Variants in GSR observed in about 807,000 individuals in gnomAD.
The protein encoded by GSR is glutathione-disulfide reductase.
Under a neutral mutation model 56.5 loss-of-function variants are expected in GSR, and 48 were observed. That is an observed-to-expected ratio of 0.85 (90% CI 0.67 to 1.08). GSR has a LOEUF of 1.08. Among genes scored for constraint, GSR ranks in the 50% least tolerant of loss-of-function variants. GSR has a pLI of 0.00. For missense variants in GSR, 694 were observed against 703.3 expected, an observed-to-expected ratio of 0.99 and a Z score of 0.15; for synonymous variants, 264 against 270.8, an observed-to-expected ratio of 0.97 and a Z score of 0.25.
intron 1 of GSR, among the ~76,000 whole-genome samples, chr8:30,716,918 A>T (rs1804352258): frequency 2.7e-5 from 4 of 146,754 alleles, no homozygotes; most frequent in East Asian, 2.0e-4. Context: ...TTCCCCCCAA[A>T]TTTTTTTTTT....
At chr8:30,698,249 G>A (rs577223592) in intron 6 of GSR, among the ~76,000 whole-genome samples, 21 of 152,122 alleles carry the variant, frequency 1.4e-4, no homozygotes, top group Non-Finnish European at 2.4e-4. Context: ...TCATTTTCTT[G>A]TGTTTCAGAG....
intron 1 of GSR, among the ~76,000 whole-genome samples, chr8:30,722,725 C>T (rs1338884546): frequency 2.3e-4 from 12 of 52,486 alleles, no homozygotes; most frequent in African/African-American, 6.3e-4. Flanking sequence ...CAATGAGACC[C>T]TGTCTCAAAA....
intron 4 of GSR, 120 bp from the exon 5 acceptor site, chr8:30,703,360 C>T: frequency 1.0e-6 from 1 of 966,334 alleles, no homozygotes; most frequent in Non-Finnish European, 1.6e-6. Context: ...CTGATGCCAA[C>T]ACAATTCTCC....
chr8:30,718,080 A>C (rs1420929168), intron 1 of GSR, among the ~76,000 whole-genome samples: 1 of 151,278 alleles, frequency 6.6e-6, no homozygotes, highest in African/African-American at 2.4e-5. Context: ...CAGCCTGGGC[A>C]ACAAGAGTGA....
intron 12 of GSR, among the ~76,000 whole-genome samples, chr8:30,680,162 G>A: frequency 6.6e-6 from 1 of 152,122 alleles, no homozygotes; most frequent in East Asian, 1.9e-4. Context: ...TAACTAAGTA[G>A]GAGCCTTCAT....
intron 4 of GSR, among the ~76,000 whole-genome samples, chr8:30,705,225 A>G (rs988732972): frequency 6.6e-5 from 10 of 151,842 alleles, no homozygotes; most frequent in South Asian, 4.2e-4. Context: ...CAGGAGTTCA[A>G]GATCAGCGTG....
chr8:30,682,092 C>T, intron 10 of GSR, 31 bp from the exon 11 acceptor site: 1 of 1,600,372 alleles, frequency 6.2e-7, no homozygotes, highest in Non-Finnish European at 8.6e-7. Context: ...CAGTGTTTAT[C>T]TTACTGTCTG....
At position 30,700,132 on chromosome 8, in the gene GSR, G is replaced by T. The variant is rs1352779009; in HGVS notation, c.644C>A (p.Ala215Asp). 47 of 1,611,452 alleles carry T rather than the reference G, an allele frequency of 2.9e-5. No individual in the cohort carries two copies. The highest frequency in any genetic ancestry group is 3.6e-5 in the Non-Finnish European group (42 of 1,177,806). ...TCCATCGCTGGTTATTCCTAAGCTGGCACCTATGTAGAAAAAGGCAACATA... is the reference window on the plus strand; with the variant it reads ...TCCATCGCTGGTTATTCCTAAGCTGTCACCTATGTAGAAAAAGGCAACATA... ...STPHESQIPG[A>D]SLGITSDGFF... Residue 215 changes from alanine to aspartate, a missense_variant, in exon 6 of 13, where the codon GCC (alanine) becomes GAC (aspartate). Coordinates refer to ENST00000221130, the MANE Select transcript of GSR (RefSeq NM_000637.5).
In GSR at chr8:30,689,145, G is replaced by C. The variant is rs1803272063; in HGVS notation, c.1041+16C>G. ...AGTAGATTCACAAATGTTTCGGGCA[G>C]ACCAAGCCAGCTTACCAGTTTGTTT... On this transcript the variant is annotated intron_variant, in intron 9 of 12. Coordinates refer to ENST00000221130, the MANE Select transcript of GSR (RefSeq NM_000637.5). 6.2e-7 allele frequency: 1 copy of C among 1,613,326 alleles called. No individual in the cohort carries two copies. Among genetic ancestry groups the C allele is most frequent in the Non-Finnish European group, 8.5e-7 (1 of 1,179,368 alleles).
intron 4 of GSR, among the ~76,000 whole-genome samples, chr8:30,705,274 T>A (rs1158774186): frequency 2.6e-5 from 4 of 152,106 alleles, no homozygotes; most frequent in Admixed American, 2.0e-4. Context: ...AAAAAATTTT[T>A]TTTTTTGAGA....
chr8:30,717,702 C>T (rs2128748243), intron 1 of GSR, among the ~76,000 whole-genome samples: 1 of 152,202 alleles, frequency 6.6e-6, no homozygotes, highest in Admixed American at 6.5e-5. Context: ...CAACTAGTTG[C>T]AGGAAAACAA....
chr8:30,724,594 A>T (rs923949043), intron 1 of GSR, among the ~76,000 whole-genome samples: 16 of 110,276 alleles, frequency 1.5e-4, no homozygotes, highest in Admixed American at 1.5e-4. Context: ...TGTTGCCCAC[A>T]CTGGAGTGCA....
At chr8:30,725,466 A>C (rs981116775) in intron 1 of GSR, among the ~76,000 whole-genome samples, 1 of 151,932 alleles carries the variant, frequency 6.6e-6, no homozygotes, top group Non-Finnish European at 1.5e-5. Flanking sequence ...AGGCCGAGGC[A>C]GGAGAGTTGC....
At chr8:30,714,446 C>T (rs2911674) in intron 1 of GSR, among the ~76,000 whole-genome samples, 93,608 of 151,418 alleles carry the variant, frequency 0.62, 34,887 homozygotes, top group East Asian at 0.82. Flanking sequence ...AGTGATCCAC[C>T]CGCCTTGGCA....
rs1165329010 is a variant in GSR, at chr8:30,703,168, T to C, written c.565A>G (p.Lys189Glu). ...AGGATGTGTGGGGCGGTGTACTTTT[T>C]CCCACTGACCTCTATTGTGGGCTTG... ...DPKPTIEVSGKKYTAPHILIA... is the reference protein window; with the variant it reads ...DPKPTIEVSGEKYTAPHILIA... The change falls in exon 5 of 13, where the codon AAA (lysine) becomes GAA (glutamate). Residue 189 changes from lysine to glutamate, a missense_variant. By Grantham distance (56) the Lys-to-Glu change is moderately conservative. Transcript: ENST00000221130. The C allele has an allele frequency of 6.2e-7, 1 of 1,613,956 alleles. No individual in the cohort carries two copies. Among genetic ancestry groups the C allele is most frequent in the Non-Finnish European group, 8.5e-7 (1 of 1,179,978 alleles).
chr8:30,705,324 G>A (rs946871275), intron 4 of GSR, among the ~76,000 whole-genome samples: 1 of 151,896 alleles, frequency 6.6e-6, no homozygotes, highest in African/African-American at 2.4e-5. Context: ...GTGCAGTGGT[G>A]TGATCTCAGC....
chr8:30,722,341 CCTT>C (rs1325758114), intron 1 of GSR, among the ~76,000 whole-genome samples: 3 of 152,168 alleles, frequency 2.0e-5, no homozygotes, highest in Non-Finnish European at 2.9e-5. Context: ...ATTAGGGTAA[CCTT>C]CTATTTCGGA....
In GSR at chr8:30,708,224, C is replaced by T. The variant is rs112555861; in HGVS notation, c.423-83G>A. On this transcript the variant is annotated intron_variant, in intron 3 of 12. Coordinates refer to ENST00000221130, the MANE Select transcript of GSR (RefSeq NM_000637.5). ...CTAAGGCATCTGTCCCTGAACACCC[C>T]GAGCAGAGAATCACTGACTGTCAAC... The T allele has an allele frequency of 1.0e-5, 10 of 972,136 alleles. 1 individual carries two copies. The highest frequency in any genetic ancestry group is 8.9e-5 in the South Asian group (7 of 78,222). 60.2% of individuals were successfully genotyped at this position (972,136 alleles called of 1,614,324 possible). A position where few individuals can be genotyped will look rare whatever the true frequency, so the allele number is the denominator to read the frequency against.
intron 1 of GSR, among the ~76,000 whole-genome samples, chr8:30,725,137 C>T (rs8190906): frequency 0.11 from 16,540 of 152,078 alleles, 2,795 homozygotes; most frequent in African/African-American, 0.36. Flanking sequence ...ACCCCCAATC[C>T]CAGCACTTAA....
Sources: gnomAD v4.1 joint callset for allele counts (sites outside exome capture counted in the v4.1 genomes callset) on GRCh38, gnomAD v4.1.1 for gene constraint, MANE v1.5 for transcripts, NCBI Gene and HGNC (gene_info 2026-07-23, HGNC 2026-07-21) for gene names.